The following NUMB variants were observed in gnomAD, a reference collection of about 807,000 sequenced individuals.
NUMB encodes protein numb homolog.
Under a neutral mutation model 59.7 loss-of-function variants are expected in NUMB, and 29 were observed. The observed-to-expected ratio is 0.49, with a 90% CI of 0.36 to 0.66. NUMB has a LOEUF of 0.66. Among genes scored for constraint, NUMB ranks in the 30% least tolerant of loss-of-function variants. NUMB has a pLI of 0.00. For missense variants in NUMB, 723 were observed against 822.0 expected, an observed-to-expected ratio of 0.88 and a Z score of 1.47; for synonymous variants, 288 against 288.2, an observed-to-expected ratio of 1.00 and a Z score of 0.01.
chr14:73,379,945 TTA>T (rs1415687528), intron 2 of NUMB, among the ~76,000 whole-genome samples: 4 of 152,162 alleles, frequency 2.6e-5, no homozygotes, highest in Non-Finnish European at 5.9e-5. Context: ...ATAACGAGAT[TTA>T]TGTTTTTTAA....
At chr14:73,312,026 T>TAA (rs920309166) in intron 6 of NUMB, among the ~76,000 whole-genome samples, 2 of 152,182 alleles carry the variant, frequency 1.3e-5, no homozygotes, top group Non-Finnish European at 2.9e-5. Context: ...CCAAACTCTT[T>TAA]AAATGACTCA....
At chr14:73,390,741 C>T (rs1047400216) in intron 2 of NUMB, among the ~76,000 whole-genome samples, 1 of 146,702 alleles carries the variant, frequency 6.8e-6, no homozygotes, top group African/African-American at 2.5e-5. Context: ...CCTCCACCTC[C>T]CAGGTTCAAG....
At chr14:73,438,303 T>C (rs1898142030) in intron 1 of NUMB, among the ~76,000 whole-genome samples, 1 of 152,216 alleles carries the variant, frequency 6.6e-6, no homozygotes, top group South Asian at 2.1e-4. Context: ...CTATAAATAA[T>C]ATATCCATTA....
At chr14:73,436,646 A>C (rs1898064142) in intron 1 of NUMB, among the ~76,000 whole-genome samples, 1 of 152,056 alleles carries the variant, frequency 6.6e-6, no homozygotes, top group Non-Finnish European at 1.5e-5. Context: ...GGTACCTTTC[A>C]GAAGCAAATA....
chr14:73,391,878 A>G (rs1238371167), intron 2 of NUMB, among the ~76,000 whole-genome samples: 2 of 152,214 alleles, frequency 1.3e-5, no homozygotes, highest in East Asian at 3.8e-4. Flanking sequence ...ATACTTTATT[A>G]TAAAATAATC....
chr14:73,325,248 A>G (rs995397129), intron 4 of NUMB, among the ~76,000 whole-genome samples: 1 of 152,180 alleles, frequency 6.6e-6, no homozygotes, highest in African/African-American at 2.4e-5. Flanking sequence ...TAAGAAGATC[A>G]TCTGAGGCCT....
chr14:73,277,005 G>A lies in NUMB; in HGVS notation c.1529C>T (p.Ser510Phe). Residue 510 changes from serine (S) to phenylalanine (F), a missense_variant, in exon 13 of 13, where the codon TCC becomes TTC. By Grantham distance (155) the Ser-to-Phe change is radical (BLOSUM62 -2). This residue lies in a region of NUMB where 406 missense variants were observed against 385.4 expected (regional missense o/e 1.05). Transcript: ENST00000555238. ...GGGCATTCCATTGGCCACAGGATAGGACTGGGCAGGGACAAAGGCTGGTTG... is the reference window on the plus strand; with the variant it reads ...GGGCATTCCATTGGCCACAGGATAGAACTGGGCAGGGACAAAGGCTGGTTG... ...ALQPAFVPAQ[S>F]YPVANGMPYP... 1.2e-6 allele frequency: 2 copies of A among 1,614,132 alleles called. No individual in the cohort carries two copies. The highest frequency in any genetic ancestry group is 1.7e-6 in the Non-Finnish European group (2 of 1,180,032).
chr14:73,409,302 G>C (rs1451148673), intron 2 of NUMB: 1 of 152,150 alleles, frequency 6.6e-6, no homozygotes, highest in Non-Finnish European at 1.5e-5. Flanking sequence ...ATGCACCTTT[G>C]CCTTCCTCTC....
intron 11 of NUMB, among the ~76,000 whole-genome samples, chr14:73,282,056 G>T (rs1594857179): frequency 6.6e-6 from 1 of 152,266 alleles, no homozygotes; most frequent in South Asian, 2.1e-4. Flanking sequence ...AAACTGGATG[G>T]GTATGCTGAT....
chr14:73,430,573 G>A (rs1270944852), intron 1 of NUMB, among the ~76,000 whole-genome samples: 4 of 152,082 alleles, frequency 2.6e-5, no homozygotes, highest in South Asian at 2.1e-4. Context: ...GGTCGAGGCT[G>A]CAGTGAGCCA....
At chr14:73,406,092 G>T (rs866083255) in intron 2 of NUMB, among the ~76,000 whole-genome samples, 112 of 107,482 alleles carry the variant, frequency 1.0e-3, no homozygotes, top group African/African-American at 1.9e-3. Context: ...ACATATTTTT[G>T]TTTTTTTTTT....
rs201841998 is a variant in NUMB at position 73,313,289 on chromosome 14, C to CT, written c.234+3100dup. Among the ~76,000 whole-genome samples the CT allele has an allele frequency of 8.8e-3, 1,284 of 146,116 alleles. 131 individuals carry two copies. In the East Asian group the frequency reaches 0.21, roughly 24 times the overall value. ...GAGCCACCGCGCCCAGCCATTATGT[C>CT]TTTTTTTTTTTGAAAGCGAAATACT... is the stretch of plus-strand genomic sequence containing the variant. On this transcript the variant is annotated intron_variant, in intron 6 of 12. Transcript: ENST00000555238.
In NUMB at chr14:73,375,241, A is replaced by C. The variant is rs146463316; in HGVS notation, c.-100-8260T>G. Among the ~76,000 whole-genome samples the C allele has an allele frequency of 6.8e-3, 1,039 of 152,348 alleles. 5 individuals carry two copies. The highest frequency in any genetic ancestry group is 0.03 in the South Asian group (143 of 4,830). On this transcript the variant is annotated intron_variant, in intron 2 of 12. Transcript: ENST00000555238. Reference sequence around the variant, plus strand: ...ATTGAGTTTGTTTGCACCCAAGTACAGAATTTTATAATAATCACAGATAAC... The same window carrying C: ...ATTGAGTTTGTTTGCACCCAAGTACCGAATTTTATAATAATCACAGATAAC...
intron 2 of NUMB, among the ~76,000 whole-genome samples, chr14:73,367,340 T>TAG (rs1422948272): frequency 1.3e-5 from 1 of 79,642 alleles, no homozygotes; most frequent in African/African-American, 9.1e-5. Context: ...CATATATATA[T>TAG]ATATATATAG....
intron 4 of NUMB, among the ~76,000 whole-genome samples, chr14:73,336,750 A>G (rs943046803): frequency 9.2e-5 from 14 of 152,230 alleles, no homozygotes; most frequent in African/African-American, 3.4e-4. Context: ...TTACAGGCCA[A>G]TCTGTCTCAA....
intron 1 of NUMB, among the ~76,000 whole-genome samples, chr14:73,423,037 T>G (rs537851219): frequency 2.0e-5 from 3 of 152,210 alleles, no homozygotes; most frequent in African/African-American, 7.2e-5. Context: ...ATATTACTTA[T>G]AAGGTGAACA....
intron 1 of NUMB, among the ~76,000 whole-genome samples, chr14:73,428,852 A>T (rs1214443394): frequency 6.6e-6 from 1 of 152,148 alleles, no homozygotes; most frequent in Non-Finnish European, 1.5e-5. Context: ...ATTTTCTGAG[A>T]TATTTCCAAA....
In NUMB at chr14:73,388,688, T is replaced by C. The variant is rs541683274; in HGVS notation, c.-101+21249A>G. On this transcript the variant is annotated intron_variant, in intron 2 of 12. Coordinates refer to ENST00000555238, the MANE Select transcript of NUMB (RefSeq NM_001005743.2). ...CAAACTATAAAACCTTGAGGCTGAG[T>C]GCGGTAGCTCACGCCTGTAATCCCA... Among the ~76,000 whole-genome samples the C allele has an allele frequency of 1.7e-3, 255 of 152,234 alleles. 1 individual carries two copies. Among genetic ancestry groups the C allele is most frequent in the African/African-American group, 5.8e-3 (243 of 41,554 alleles).
intron 2 of NUMB, among the ~76,000 whole-genome samples, chr14:73,372,321 A>ATATATATATATATATATATATAACCTTT: frequency 9.2e-6 from 1 of 108,878 alleles, no homozygotes; most frequent in Admixed American, 1.1e-4. Context: ...ATATATATAT[A>ATATATATATATATATATATATAACCTTT]TATATATATA....
Sources: gnomAD v4.1 joint callset for allele counts (sites outside exome capture counted in the v4.1 genomes callset) on GRCh38, gnomAD v4.1.1 for gene constraint, gnomAD v4.1.1 regional missense constraint, MANE v1.5 for transcripts, NCBI Gene and HGNC (gene_info 2026-07-23, HGNC 2026-07-21) for gene names.